KCNAB1: variants seen among roughly 807,000 people sequenced by gnomAD.
The protein encoded by KCNAB1 is voltage-gated potassium channel subunit beta-1.
A neutral mutation model predicts 64.6 loss-of-function variants in KCNAB1; 35 were observed. That is an observed-to-expected ratio of 0.54 (90% CI 0.41 to 0.72). The LOEUF is 0.72. Ranked by LOEUF, KCNAB1 falls within the 30% of genes least tolerant of loss-of-function variation. The pLI is 0.00. For missense variants in KCNAB1, 401 were observed against 512.9 expected, an observed-to-expected ratio of 0.78 and a Z score of 2.11; for synonymous variants, 177 against 183.8, an observed-to-expected ratio of 0.96 and a Z score of 0.30.
intron 1 of KCNAB1, among the ~76,000 whole-genome samples, chr3:156,391,573 GCTT>G (rs1713045960): frequency 6.6e-6 from 1 of 152,198 alleles, no homozygotes; most frequent in South Asian, 2.1e-4. Flanking sequence ...CTTTGAAATT[GCTT>G]CTTCCTGGGT....
intron 1 of KCNAB1, among the ~76,000 whole-genome samples, chr3:156,306,771 A>G (rs1560186295): frequency 1.3e-5 from 2 of 152,120 alleles, no homozygotes; most frequent in Admixed American, 1.3e-4. Flanking sequence ...GGGGTTTCCA[A>G]CCTCTCCCAA....
intron 1 of KCNAB1, among the ~76,000 whole-genome samples, chr3:156,311,251 T>C (rs1050255708): frequency 2.0e-5 from 3 of 152,176 alleles, no homozygotes; most frequent in Admixed American, 6.5e-5. Flanking sequence ...AGAGGCTCAG[T>C]GGAAGCTATC....
chr3:156,259,134 C>A (rs116664188), intron 1 of KCNAB1, among the ~76,000 whole-genome samples: 1,534 of 152,224 alleles, frequency 0.01, 27 homozygotes, highest in African/African-American at 0.035. Flanking sequence ...AGAAGCAAAC[C>A]ATTTCAACAC....
intron 1 of KCNAB1, among the ~76,000 whole-genome samples, chr3:156,359,443 T>A (rs926833421): frequency 6.6e-6 from 1 of 152,174 alleles, no homozygotes. Flanking sequence ...CCACTGGTTT[T>A]GAAAGGAATT....
intron 8 of KCNAB1, among the ~76,000 whole-genome samples, chr3:156,485,046 G>T (rs772959608): frequency 3.3e-5 from 5 of 152,058 alleles, no homozygotes; most frequent in Admixed American, 6.6e-5. Flanking sequence ...GTTATAAATT[G>T]TAATTGTCCT....
chr3:156,480,897 C>A (rs9289969), intron 8 of KCNAB1, among the ~76,000 whole-genome samples: 91,203 of 151,964 alleles, frequency 0.6, 29,434 homozygotes, highest in African/African-American at 0.85. Context: ...TATTTATTGA[C>A]TAGCTGGATG....
chr3:156,382,962 T>C (rs1233988113), intron 1 of KCNAB1, among the ~76,000 whole-genome samples: 1 of 152,256 alleles, frequency 6.6e-6, no homozygotes, highest in African/African-American at 2.4e-5. Flanking sequence ...GTCAGCCTGA[T>C]GCCAGGCTTT....
At chr3:156,518,393 T>C (rs755449949) in intron 11 of KCNAB1, among the ~76,000 whole-genome samples, 14 of 148,184 alleles carry the variant, frequency 9.4e-5, no homozygotes, top group Non-Finnish European at 1.9e-4. Flanking sequence ...AGCAAAAAAA[T>C]AAAAAGTAAA....
At chr3:156,208,113 C>G (rs1465719803) in intron 1 of KCNAB1, among the ~76,000 whole-genome samples, 1 of 152,118 alleles carries the variant, frequency 6.6e-6, no homozygotes, top group Non-Finnish European at 1.5e-5. Context: ...TACCAGATTC[C>G]TAAGGCTTGT....
At chr3:156,283,002 G>A (rs1323525752) in intron 1 of KCNAB1, among the ~76,000 whole-genome samples, 1 of 149,938 alleles carries the variant, frequency 6.7e-6, no homozygotes, top group Non-Finnish European at 1.5e-5. Context: ...ATTTGATCCT[G>A]TCATTATGAT....
chr3:156,359,461 G>T (rs1725466622), intron 1 of KCNAB1, among the ~76,000 whole-genome samples: 1 of 152,148 alleles, frequency 6.6e-6, no homozygotes, highest in Non-Finnish European at 1.5e-5. Context: ...ATTTCAAAAG[G>T]TGAAGGCCTA....
rs373190386 is a variant in KCNAB1, at chr3:156,443,778, AC to A, written c.320-9120del. 3.6e-3 allele frequency among the ~76,000 whole-genome samples: 522 copies of A among 144,206 alleles called. 3 individuals are homozygous for A. The highest frequency in any genetic ancestry group is 0.013 in the African/African-American group (479 of 35,614). The allele number at this position is 144,206 out of a possible 152,430, so 94.6% of individuals were successfully genotyped here. On this transcript the variant is annotated intron_variant, in intron 2 of 13. Transcript: ENST00000490337. ...CACACACACACACACACACACACAC[AC>A]ACTATTCTTTACTTGTAAATGGAGA...
intron 2 of KCNAB1, among the ~76,000 whole-genome samples, chr3:156,428,591 T>C (rs1292569941): frequency 6.6e-6 from 1 of 151,862 alleles, no homozygotes; most frequent in African/African-American, 2.4e-5. Flanking sequence ...GATTTTTTTT[T>C]CAAAACATCA....
chr3:156,312,944 C>A (rs1181308391), intron 1 of KCNAB1, among the ~76,000 whole-genome samples: 1 of 152,080 alleles, frequency 6.6e-6, no homozygotes, highest in Non-Finnish European at 1.5e-5. Flanking sequence ...GATCAACTAG[C>A]CCTGAGGAAT....
At chr3:156,490,253 T>G (rs1715534055) in intron 8 of KCNAB1, among the ~76,000 whole-genome samples, 1 of 152,098 alleles carries the variant, frequency 6.6e-6, no homozygotes, top group South Asian at 2.1e-4. Context: ...TAACAGATAT[T>G]GACATTGTTG....
rs545909634 is a variant in KCNAB1, at chr3:156,357,159, G to GCGCACACACACACACACA, written c.276-64456_276-64455insGCACACACACACACACAC. Among the ~76,000 whole-genome samples, 424 of 147,402 alleles carry GCGCACACACACACACACA rather than the reference G, an allele frequency of 2.9e-3. 2 individuals carry two copies. The highest frequency in any genetic ancestry group is 9.8e-3 in the African/African-American group (399 of 40,518). On this transcript the variant is annotated intron_variant, in intron 1 of 13. Coordinates refer to ENST00000490337, the MANE Select transcript of KCNAB1 (RefSeq NM_172160.3). ...CACATACACAAACACACATGTGCGC[G>GCGCACACACACACACACA]CACACACACACACACACACACACAC...
chr3:156,297,979 A>G (rs1720911175), intron 1 of KCNAB1, among the ~76,000 whole-genome samples: 1 of 152,106 alleles, frequency 6.6e-6, no homozygotes, highest in Non-Finnish European at 1.5e-5. Context: ...GGGTTTTGTT[A>G]TTGTTTTTTG....
At chr3:156,383,063 A>G (rs747247172) in intron 1 of KCNAB1, among the ~76,000 whole-genome samples, 2 of 152,210 alleles carry the variant, frequency 1.3e-5, no homozygotes, top group Non-Finnish European at 2.9e-5. Context: ...AACTTCTGGT[A>G]AGATGCTTAC....
chr3:156,526,768 T>C (rs1258506395), intron 12 of KCNAB1, among the ~76,000 whole-genome samples: 4 of 152,178 alleles, frequency 2.6e-5, no homozygotes, highest in East Asian at 1.9e-4. Context: ...TGGAGGATTT[T>C]CTATTACTAT....
Sources: gnomAD v4.1 joint callset for allele counts (sites outside exome capture counted in the v4.1 genomes callset) on GRCh38, gnomAD v4.1.1 for gene constraint, MANE v1.5 for transcripts, NCBI Gene and HGNC (gene_info 2026-07-23, HGNC 2026-07-21) for gene names.